The following INTS7 variants were observed in gnomAD, a reference collection of about 807,000 sequenced individuals.
INTS7 encodes chromosome 1 open reading frame 73.
A neutral mutation model predicts 109.2 loss-of-function variants in INTS7; 46 were observed. The ratio of observed to expected loss-of-function variants is 0.42; its 90% CI spans 0.33 to 0.54. The LOEUF is 0.54. INTS7 is among the 20% of genes least tolerant of loss of function. INTS7 has a pLI of 0.07. For synonymous variants in INTS7, 412 were observed against 402.9 expected (o/e 1.02, Z -0.27); for missense variants, 929 against 1,132.4 (o/e 0.82, Z 2.58).
chr1:212,027,665 A>T (rs1666988542), intron 1 of INTS7, among the ~76,000 whole-genome samples: 1 of 152,242 alleles, frequency 6.6e-6, no homozygotes, highest in Non-Finnish European at 1.5e-5. Context: ...TAAAGTGTGC[A>T]GAGCTTTTTG....
At chr1:212,018,911 T>C (rs1443486558) in intron 3 of INTS7, among the ~76,000 whole-genome samples, 1 of 152,178 alleles carries the variant, frequency 6.6e-6, no homozygotes, top group Non-Finnish European at 1.5e-5. Flanking sequence ...ATTTAAAAAA[T>C]TCCTATAGGT....
At chr1:212,026,301 T>G (rs915715990) in intron 1 of INTS7, among the ~76,000 whole-genome samples, 3 of 152,208 alleles carry the variant, frequency 2.0e-5, no homozygotes, top group Admixed American at 1.3e-4. Context: ...TATTCAGTAC[T>G]TAGAACATTA....
At position 211,942,479 on chromosome 1, in the gene INTS7, C is replaced by T. The variant is rs1288233334; in HGVS notation, c.2602-368G>A. Among the ~76,000 whole-genome samples, 1 of 152,164 alleles carries T rather than the reference C, an allele frequency of 6.6e-6. No homozygotes were observed. The highest frequency in any genetic ancestry group is 2.4e-5 in the African/African-American group (1 of 41,426). ...CTCAACCCCATCTCTAAATCCCTAT[C>T]TTCCTTTAGACTGTGAAGAGATATT... On this transcript the variant is annotated intron_variant, in intron 19 of 19. Coordinates refer to ENST00000366994, the MANE Select transcript of INTS7 (RefSeq NM_015434.4). The surrounding 1 kb of genome is among the most constrained non-coding windows in gnomAD (Gnocchi z 4.2).
In INTS7 at chr1:211,942,360, A is replaced by T. The variant is rs557058638; in HGVS notation, c.2602-249T>A. On this transcript the variant is annotated intron_variant, in intron 19 of 19. Transcript: ENST00000366994. This position sits in a 1 kb window ranked among gnomAD's most constrained non-coding sequence, Gnocchi z 4.2. Reference sequence around the variant, plus strand: ...GACTACCTCCAGGGCCTACACTCTGAACTACTAAGTGATGCTCCTCACTCT... The same window carrying T: ...GACTACCTCCAGGGCCTACACTCTGTACTACTAAGTGATGCTCCTCACTCT... 1.2e-4 allele frequency among the ~76,000 whole-genome samples: 19 copies of T among 152,310 alleles called. No individual in the cohort carries two copies. In the South Asian group the frequency reaches 3.1e-3, roughly 25 times the overall value.
chr1:211,982,919 C>G (rs758320598), intron 8 of INTS7, 109 bp from the exon 9 acceptor site: 9 of 777,400 alleles, frequency 1.2e-5, no homozygotes, highest in African/African-American at 1.8e-5. Flanking sequence ...TAACAATAAA[C>G]TTCAACAAAA....
chr1:211,976,193 A>G (rs1426976096), intron 12 of INTS7, among the ~76,000 whole-genome samples: 1 of 152,224 alleles, frequency 6.6e-6, no homozygotes, highest in Admixed American at 6.5e-5. Flanking sequence ...AGAGTACAGC[A>G]TACTAAAGCT....
chr1:211,969,177 C>G (rs201791922), intron 13 of INTS7, among the ~76,000 whole-genome samples: 1 of 151,244 alleles, frequency 6.6e-6, no homozygotes, highest in East Asian at 1.9e-4. Flanking sequence ...CCCAGCTACT[C>G]GGGAGGCTGA....
intron 4 of INTS7, among the ~76,000 whole-genome samples, chr1:212,012,553 C>G (rs1321522211): frequency 6.6e-6 from 1 of 152,068 alleles, no homozygotes; most frequent in African/African-American, 2.4e-5. Flanking sequence ...TCCAGAAGTT[C>G]GAGGCTGCAG....
At chr1:211,983,816 G>A (rs970491726) in intron 8 of INTS7, among the ~76,000 whole-genome samples, 1 of 151,556 alleles carries the variant, frequency 6.6e-6, no homozygotes, top group Non-Finnish European at 1.5e-5. Flanking sequence ...GTTTAAGAGA[G>A]AGCCTCAGTG....
chr1:211,978,097 G>C (rs1211952103), intron 11 of INTS7, among the ~76,000 whole-genome samples, 175 bp downstream of exon 11: 1 of 152,116 alleles, frequency 6.6e-6, no homozygotes, highest in Non-Finnish European at 1.5e-5. Context: ...AAAGTAAAAA[G>C]CTCATAAAGC....
intron 7 of INTS7, among the ~76,000 whole-genome samples, chr1:211,993,229 C>T (rs1318598326): frequency 3.3e-5 from 5 of 152,220 alleles, no homozygotes; most frequent in Non-Finnish European, 7.3e-5. Context: ...AATTCTCAGG[C>T]TGAACTTGTT....
In INTS7 at chr1:211,981,480, T is replaced by C. The variant is rs560347058; in HGVS notation, c.1133-290A>G. Among the ~76,000 whole-genome samples, 4 of 152,196 alleles carry C rather than the reference T, an allele frequency of 2.6e-5. No homozygotes were observed. The East Asian group carries it at 7.7e-4, about 29-fold the overall frequency. On this transcript the variant is annotated intron_variant, in intron 9 of 19. Transcript: ENST00000366994. ...AGCTATAAATAAAGCAAAACTGAAA[T>C]AGTGTCACCAGCTTAGCTAAGGAAA... is the stretch of plus-strand genomic sequence containing the variant.
intron 1 of INTS7, among the ~76,000 whole-genome samples, chr1:212,032,205 C>T (rs1413134019): frequency 6.6e-6 from 1 of 150,778 alleles, no homozygotes; most frequent in Non-Finnish European, 1.5e-5. Flanking sequence ...CTCAGCACTT[C>T]ACACATTTTC....
chr1:211,966,251 A>G, intron 16 of INTS7, 179 bp downstream of exon 16: 1 of 417,902 alleles, frequency 2.4e-6, no homozygotes, highest in South Asian at 5.9e-5. Flanking sequence ...TGAAAACAGG[A>G]GGCAGGAGGT....
In INTS7 at chr1:211,946,374, T is replaced by C. The variant is rs1662847290; in HGVS notation, c.2415+233A>G. ...GGTGGATGCCTGTAATCCCAGTTCC[T>C]TGGGAGGCTGAGGCAGGAGAATCGC... On this transcript the variant is annotated intron_variant, in intron 18 of 19. Coordinates refer to ENST00000366994, the MANE Select transcript of INTS7 (RefSeq NM_015434.4). This position sits in a 1 kb window ranked among gnomAD's most constrained non-coding sequence, Gnocchi z 4.3. Among the ~76,000 whole-genome samples the C allele has an allele frequency of 6.6e-6, 1 of 152,136 alleles. No homozygotes were observed. Among genetic ancestry groups the C allele is most frequent in the African/African-American group, 2.4e-5 (1 of 41,412 alleles).
intron 3 of INTS7, among the ~76,000 whole-genome samples, chr1:212,017,570 AAC>A (rs1321106361): frequency 6.6e-6 from 1 of 152,252 alleles, no homozygotes; most frequent in Non-Finnish European, 1.5e-5. Context: ...AAGCTTGGAA[AAC>A]ACAGTCTACT....
chr1:211,948,157 T>C (rs559580027), intron 17 of INTS7, among the ~76,000 whole-genome samples: 1 of 151,688 alleles, frequency 6.6e-6, no homozygotes, highest in East Asian at 1.9e-4. Flanking sequence ...GCTCATGCTG[T>C]AAACATTTTT....
In INTS7 at chr1:211,952,711, A is replaced by T. The variant is rs376564576; in HGVS notation, c.2184-10T>A. The T allele has an allele frequency of 2.1e-5, 34 of 1,609,404 alleles. No homozygotes were observed. Among genetic ancestry groups the T allele is most frequent in the Non-Finnish European group, 2.8e-5 (33 of 1,177,034 alleles). On this transcript the variant is annotated splice_polypyrimidine_tract_variant and intron_variant, in intron 16 of 19. Coordinates refer to ENST00000366994, the MANE Select transcript of INTS7 (RefSeq NM_015434.4). ...TCCATATTCCTGGAAACTGAAGTAA[A>T]GGTCAATATTCATTAATCCATCAAA...
Position 212,032,692 on chromosome 1 carries a change from G to A in INTS7, c.94+2652C>T, listed in dbSNP as rs565570392. Among the ~76,000 whole-genome samples, 4 of 152,212 alleles carry A rather than the reference G, an allele frequency of 2.6e-5. No homozygotes were observed. The East Asian group carries it at 7.7e-4, about 29-fold the overall frequency. ...GACAGGGTTTCACCATGTTAGCCAG[G>A]ATGGTCTCGATCTCCTGACTTCGTG... On this transcript the variant is annotated intron_variant, in intron 1 of 19. Coordinates refer to ENST00000366994, the MANE Select transcript of INTS7 (RefSeq NM_015434.4).
Sources: allele counts gnomAD v4.1 joint callset (sites outside exome capture counted in the v4.1 genomes callset), GRCh38; gene constraint gnomAD v4.1.1; non-coding constraint Gnocchi (gnomAD v3.1); transcripts MANE v1.5; gene names NCBI Gene and HGNC (gene_info 2026-07-23, HGNC 2026-07-21).